Variants in GAMT observed in about 807,000 individuals in gnomAD.
GAMT encodes the protein epididymis secretory protein Li 20.
Under a neutral mutation model 26.9 loss-of-function variants are expected in GAMT, and 26 were observed. The observed-to-expected ratio is 0.97, with a 90% CI of 0.71 to 1.34. The LOEUF (loss-of-function observed/expected upper bound fraction) is 1.34. Ranked by LOEUF, GAMT falls within the 40% of genes most tolerant of loss-of-function variation. The probability of loss-of-function intolerance (pLI) is 0.00; values close to 1 mark genes in which losing one functional copy is unlikely to be tolerated. For missense variants in GAMT, 412 were observed against 345.0 expected, an observed-to-expected ratio of 1.19 and a Z score of -1.54; for synonymous variants, 169 against 149.6, an observed-to-expected ratio of 1.13 and a Z score of -0.95.
At chr19:1,397,566 C>T in intron 5 of GAMT, 67 bp from the exon 6 acceptor site, 2 of 1,588,582 alleles carry the variant, frequency 1.3e-6, no homozygotes, top group South Asian at 1.1e-5. Flanking sequence ...GGCGCCCACC[C>T]CTCATTGAAG....
chr19:1,399,677 C>T lies in GAMT; in HGVS notation c.328-90G>A. Reference sequence around the variant, plus strand: ...AGAAAGGGAGCGGCCAGGGGGACTCCCGAGAGAGAAGACCACCTCCTCCAC... The same window carrying T: ...AGAAAGGGAGCGGCCAGGGGGACTCTCGAGAGAGAAGACCACCTCCTCCAC... On this transcript the variant is annotated intron_variant, in intron 2 of 5. Transcript: ENST00000252288. This position sits in a 1 kb window ranked among gnomAD's most constrained non-coding sequence, Gnocchi z 6.2. 6.5e-7 allele frequency: 1 copy of T among 1,528,948 alleles called. No individual in the cohort carries two copies. Among genetic ancestry groups the T allele is most frequent in the South Asian group, 1.2e-5 (1 of 84,652 alleles). The allele number at this position is 1,528,948 out of a possible 1,614,324, so 94.7% of individuals were successfully genotyped here.
At chr19:1,401,189 A>G in intron 1 of GAMT, 107 bp downstream of exon 1, 1 of 1,012,378 alleles carries the variant, frequency 9.9e-7, no homozygotes. Flanking sequence ...GCGAGGAGAC[A>G]GAGGCGCCCC....
In GAMT at chr19:1,397,064, G is replaced by C; in HGVS notation, c.*295C>G. 2.4e-6 allele frequency: 1 copy of C among 413,132 alleles called. No homozygotes were observed. The highest frequency in any genetic ancestry group is 4.5e-6 in the Non-Finnish European group (1 of 222,398). 25.6% of individuals were successfully genotyped at this position (413,132 alleles called of 1,614,324 possible). On this transcript the variant is annotated 3_prime_UTR_variant, in exon 6 of 6. Transcript: ENST00000252288. ...GGGATGGGCGGGAGGTGAGGGAGCA[G>C]CCGCTGGAAGTAACAGTCGCACGCT... is the stretch of plus-strand genomic sequence containing the variant.
In GAMT at chr19:1,399,935, C is replaced by G; in HGVS notation, c.185G>C (p.Gly62Ala). The change falls in exon 2 of 6, where the codon GGC (glycine) becomes GCC (alanine). Residue 62 changes from glycine to alanine, a missense_variant. Physicochemically the swap from Gly to Ala is moderately conservative, Grantham distance 60. Coordinates refer to ENST00000252288, the MANE Select transcript of GAMT (RefSeq NM_000156.6). This position sits in a 1 kb window ranked among gnomAD's most constrained non-coding sequence, Gnocchi z 6.2. ...ALAAAASSKGGRVLEVGFGMA... is the reference protein window; with the variant it reads ...ALAAAASSKGARVLEVGFGMA... ...GCCAAAGCCCACCTCCAGGACCCGG[C>G]CCCCTGGGCAGACACAGGGCGCCTG... The G allele has an allele frequency of 6.2e-7, 1 of 1,605,824 alleles. No homozygotes were observed. The highest frequency in any genetic ancestry group is 8.5e-7 in the Non-Finnish European group (1 of 1,177,426).
Position 1,399,794 on chromosome 19 carries a change from T to G in GAMT, c.326A>C (p.Lys109Thr). ...LRDWAPRQTH[K>T]VIPLKGLWED... ...GAGGGCCTGCGGGCAGAGGGGCACC[T>G]TGTGTGTCTGCCGTGGGGCCCAGTC... is the stretch of plus-strand genomic sequence containing the variant. Residue 109 changes from lysine to threonine, a missense_variant and splice_region_variant, in exon 2 of 6, where the codon AAG (lysine) becomes ACG (threonine). By Grantham distance (78) the Lys-to-Thr change is moderately conservative. Coordinates refer to ENST00000252288, the MANE Select transcript of GAMT (RefSeq NM_000156.6). This position sits in a 1 kb window ranked among gnomAD's most constrained non-coding sequence, Gnocchi z 6.2. The G allele has an allele frequency of 6.4e-7, 1 of 1,563,010 alleles. No homozygotes were observed. Among genetic ancestry groups the G allele is most frequent in the East Asian group, 2.4e-5 (1 of 42,002 alleles).
chr19:1,397,203 G>T lies in GAMT; in HGVS notation c.*156C>A. The T allele has an allele frequency of 1.2e-6, 1 of 834,224 alleles. No homozygotes were observed. Among genetic ancestry groups the T allele is most frequent in the Non-Finnish European group, 1.9e-6 (1 of 536,878 alleles). 51.7% of individuals were successfully genotyped at this position (834,224 alleles called of 1,614,324 possible). On this transcript the variant is annotated 3_prime_UTR_variant, in exon 6 of 6. Coordinates refer to ENST00000252288, the MANE Select transcript of GAMT (RefSeq NM_000156.6). ...GAAAGCTGCTGGTGACACACAGCTGGGATCAGCCCTGGGCTGGTGGGACCC... is the reference window on the plus strand; with the variant it reads ...GAAAGCTGCTGGTGACACACAGCTGTGATCAGCCCTGGGCTGGTGGGACCC...
intron 1 of GAMT, 23 bp downstream of exon 1, chr19:1,401,273 G>A: frequency 7.0e-7 from 1 of 1,432,314 alleles, no homozygotes; most frequent in South Asian, 1.4e-5. Context: ...CCCCGGGGGC[G>A]GTGCAGGCCG....
At chr19:1,401,217 CAG>C in intron 1 of GAMT, 77 bp downstream of exon 1, 1 of 1,206,796 alleles carries the variant, frequency 8.3e-7, no homozygotes, top group Non-Finnish European at 1.1e-6. Context: ...GGGTGGGCTG[CAG>C]AGTCCCCGGG....
intron 1 of GAMT, among the ~76,000 whole-genome samples, chr19:1,400,741 T>C (rs1166937057): frequency 1.3e-5 from 2 of 152,036 alleles, no homozygotes; most frequent in East Asian, 3.9e-4. Context: ...GACGTGCCCA[T>C]TTTCAGGGTG....
In GAMT at chr19:1,398,933, T is replaced by G. The variant is rs757108273; in HGVS notation, c.553A>C (p.Ile185Leu). 17 of 1,613,398 alleles carry G rather than the reference T, an allele frequency of 1.1e-5. No homozygotes were observed. The African/African-American group carries it at 1.7e-4, about 16-fold the overall frequency. The change falls in exon 5 of 6, where the codon ATC becomes CTC. Residue 185 changes from isoleucine (I) to leucine (L), a missense_variant. Ile to Leu is a conservative substitution (Grantham distance 5). Transcript: ENST00000252288. Reference sequence around the variant, plus strand: ...GGGCGCACCTCAAACATGATGGTGATGTCTGAGTACTTGGACTTCATCAGC... The same window carrying G: ...GGGCGCACCTCAAACATGATGGTGAGGTCTGAGTACTTGGACTTCATCAGC... ...GELMKSKYSD[I>L]TIMFEETQVP...
In GAMT at chr19:1,401,316, GCCAGCGCGTGCATATAGGGGGTCTC is replaced by G. The variant is rs1424581925; in HGVS notation, c.136_160del (p.Glu46ProfsTer60). On this transcript the variant is annotated frameshift_variant, in exon 1 of 6. Transcript: ENST00000252288. LOFTEE classifies it high-confidence loss of function. Reference sequence around the variant, plus strand: ...GCTACCTTTGGAGGAGGCGGCGGCGGCCAGCGCGTGCATATAGGGGGTCTCCCAGCGCTCCATCACCGGCTTGCCC... The same window carrying G: ...GCTACCTTTGGAGGAGGCGGCGGCGGCCAGCGCTCCATCACCGGCTTGCCC... 6.6e-7 allele frequency: 1 copy of G among 1,515,952 alleles called. No homozygotes were observed. The allele number at this position is 1,515,952 out of a possible 1,614,324, so 93.9% of individuals were successfully genotyped here. A position where few individuals can be genotyped will look rare whatever the true frequency, so the allele number is the denominator to read the frequency against.
chr19:1,397,610 C>G, intron 5 of GAMT, 111 bp from the exon 6 acceptor site: 2 of 1,515,848 alleles, frequency 1.3e-6, no homozygotes, highest in South Asian at 1.2e-5. Context: ...GGGTGGGCGG[C>G]TGCAGCTCCC....
rs1294184983 is a variant in GAMT, at chr19:1,399,905, G to T, written c.215C>A (p.Ala72Asp). The change falls in exon 2 of 6, where the codon GCC becomes GAC. Residue 72 changes from alanine to aspartate, a missense_variant. Coordinates refer to ENST00000252288, the MANE Select transcript of GAMT (RefSeq NM_000156.6). The surrounding 1 kb of genome is among the most constrained non-coding windows in gnomAD (Gnocchi z 6.2). The part of the protein sequence containing the change: ...GRVLEVGFGM[A>D]IAASKVQEAP... ...CTCCTGCACCTTTGACGCTGCGATG[G>T]CCATGCCAAAGCCCACCTCCAGGAC... 9.9e-6 allele frequency: 16 copies of T among 1,608,778 alleles called. No individual in the cohort carries two copies. The highest frequency in any genetic ancestry group is 1.2e-5 in the Non-Finnish European group (14 of 1,178,432).
In GAMT at chr19:1,397,134, A is replaced by G. The variant is rs923029318; in HGVS notation, c.*225T>C. The G allele has an allele frequency of 1.0e-5, 6 of 591,912 alleles. No individual in the cohort carries two copies. The highest frequency in any genetic ancestry group is 1.8e-5 in the Non-Finnish European group (6 of 337,944). 36.7% of individuals were successfully genotyped at this position (591,912 alleles called of 1,614,324 possible). ...CCAGCGCCGGCGTTTACTTCACCTCAGGGACCCTGCAGTGGGCAGCAGTGA... is the reference window on the plus strand; with the variant it reads ...CCAGCGCCGGCGTTTACTTCACCTCGGGGACCCTGCAGTGGGCAGCAGTGA... On this transcript the variant is annotated 3_prime_UTR_variant, in exon 6 of 6. Coordinates refer to ENST00000252288, the MANE Select transcript of GAMT (RefSeq NM_000156.6).
chr19:1,399,050 G>A lies in GAMT; in HGVS notation c.460-24C>T. On this transcript the variant is annotated intron_variant, in intron 4 of 5. Coordinates refer to ENST00000252288, the MANE Select transcript of GAMT (RefSeq NM_000156.6). This position sits in a 1 kb window ranked among gnomAD's most constrained non-coding sequence, Gnocchi z 6.2. ...TTCTGTGGAAGGGGAGTGGCCAGTG[G>A]TCAGGACGGAGGTGGGGGTGTGGGC... 6.2e-7 allele frequency: 1 copy of A among 1,613,352 alleles called. No individual in the cohort carries two copies. Among genetic ancestry groups the A allele is most frequent in the Non-Finnish European group, 8.5e-7 (1 of 1,179,992 alleles).
In GAMT at chr19:1,399,599, GAAAAGA is replaced by G; in HGVS notation, c.328-18_328-13del. ...TTCAAGGGGATGACCTTGCAGAGGGGAAAAGAAAAAGAGAGGACAGGGTAGAGAGGT... is the reference window on the plus strand; with the variant it reads ...TTCAAGGGGATGACCTTGCAGAGGGGAAAAGAGAGGACAGGGTAGAGAGGT... On this transcript the variant is annotated splice_polypyrimidine_tract_variant and intron_variant, in intron 2 of 5. Transcript: ENST00000252288. The surrounding 1 kb of genome is among the most constrained non-coding windows in gnomAD (Gnocchi z 6.2). 3.1e-6 allele frequency: 5 copies of G among 1,610,936 alleles called. No homozygotes were observed. The highest frequency in any genetic ancestry group is 4.2e-6 in the Non-Finnish European group (5 of 1,178,910).
chr19:1,397,477 A>T lies in GAMT; in HGVS notation c.593T>A (p.Leu198Gln). ...GTTCTCCCTCCGGAAGCCGGCCTCC[A>T]GCAGCGCGGGCACCTGCGTCTCCTG... is the stretch of plus-strand genomic sequence containing the variant. ...MFEETQVPAL[L>Q]EAGFRRENIR... Residue 198 changes from leucine to glutamine, a missense_variant, in exon 6 of 6, where the codon CTG becomes CAG. By Grantham distance (113) the Leu-to-Gln change is moderately radical. Coordinates refer to ENST00000252288, the MANE Select transcript of GAMT (RefSeq NM_000156.6). 5 of 1,606,748 alleles carry T rather than the reference A, an allele frequency of 3.1e-6. No homozygotes were observed. The highest frequency in any genetic ancestry group is 4.2e-6 in the Non-Finnish European group (5 of 1,179,858).
At position 1,401,342 on chromosome 19, in the gene GAMT, C is replaced by G; in HGVS notation, c.135G>C (p.Trp45Cys). Residue 45 changes from tryptophan (W) to cysteine (C), a missense_variant, in exon 1 of 6, where the codon TGG becomes TGC. Trp to Cys is a radical substitution (Grantham distance 215). Coordinates refer to ENST00000252288, the MANE Select transcript of GAMT (RefSeq NM_000156.6). ...RILGKPVMER[W>C]ETPYMHALAA... ...CCAGCGCGTGCATATAGGGGGTCTC[C>G]CAGCGCTCCATCACCGGCTTGCCCA... 6.5e-7 allele frequency: 1 copy of G among 1,538,032 alleles called. No homozygotes were observed. Among genetic ancestry groups the G allele is most frequent in the Non-Finnish European group, 8.7e-7 (1 of 1,151,300 alleles).
At chr19:1,397,944 G>T in intron 5 of GAMT, 1 of 1,073,238 alleles carries the variant, frequency 9.3e-7, no homozygotes, top group South Asian at 2.9e-5. Flanking sequence ...CCACCAGGCA[G>T]AGGGAACAGC....
Sources: gnomAD v4.1 joint callset for allele counts (sites outside exome capture counted in the v4.1 genomes callset) on GRCh38, gnomAD v4.1.1 for gene constraint, Gnocchi (gnomAD v3.1) non-coding constraint, MANE v1.5 for transcripts, NCBI Gene and HGNC (gene_info 2026-07-23, HGNC 2026-07-21) for gene names.